The following KHDRBS3 variants were observed in gnomAD, a reference collection of about 807,000 sequenced individuals.
KHDRBS3 encodes the protein KH domain-containing, RNA-binding, signal transduction-associated protein 3.
KHDRBS3 carries 23 observed loss-of-function variants against 45.6 expected under a neutral mutation model. The ratio of observed to expected loss-of-function variants is 0.50; its 90% CI spans 0.36 to 0.72. The LOEUF (loss-of-function observed/expected upper bound fraction) is 0.72. Ranked by LOEUF, KHDRBS3 falls within the 30% of genes least tolerant of loss-of-function variation. KHDRBS3 has a pLI of 0.00. For synonymous variants in KHDRBS3, 162 were observed against 156.5 expected (o/e 1.04, Z -0.26); for missense variants, 352 against 424.8 (o/e 0.83, Z 1.51).
intron 7 of KHDRBS3, among the ~76,000 whole-genome samples, chr8:135,630,453 A>G (rs986615764): frequency 1.4e-5 from 2 of 146,286 alleles, no homozygotes; most frequent in African/African-American, 4.9e-5. Context: ...AAATGGGGTA[A>G]TATCTACCCA....
chr8:135,587,132 A>G (rs1828514566), intron 6 of KHDRBS3, among the ~76,000 whole-genome samples: 1 of 152,202 alleles, frequency 6.6e-6, no homozygotes, highest in African/African-American at 2.4e-5. Flanking sequence ...ATTTCCTTGT[A>G]AAATGTGCCT....
At chr8:135,629,693 C>T (rs1450372527) in intron 7 of KHDRBS3, among the ~76,000 whole-genome samples, 1 of 152,168 alleles carries the variant, frequency 6.6e-6, no homozygotes, top group African/African-American at 2.4e-5. Flanking sequence ...AGTGAAATAC[C>T]TAGAATGTGA....
intron 2 of KHDRBS3, among the ~76,000 whole-genome samples, chr8:135,530,772 A>AT (rs1309736187): frequency 1.3e-5 from 2 of 152,098 alleles, no homozygotes; most frequent in Non-Finnish European, 2.9e-5. Flanking sequence ...CCAGGACATA[A>AT]TTTTTGTCTA....
intron 1 of KHDRBS3, among the ~76,000 whole-genome samples, chr8:135,469,522 GGTTTT>G (rs1563699666): frequency 1.4e-4 from 3 of 20,784 alleles, no homozygotes; most frequent in Non-Finnish European, 1.9e-4. Flanking sequence ...TTTTTGTTTT[GGTTTT>G]TTTTTTTTTT....
At chr8:135,631,099 A>G (rs899626690) in intron 7 of KHDRBS3, among the ~76,000 whole-genome samples, 2 of 152,060 alleles carry the variant, frequency 1.3e-5, no homozygotes, top group African/African-American at 2.4e-5. Flanking sequence ...AAATACAAAA[A>G]AATTAGCCAG....
At chr8:135,469,353 C>A (rs1363120791) in intron 1 of KHDRBS3, among the ~76,000 whole-genome samples, 2 of 151,190 alleles carry the variant, frequency 1.3e-5, no homozygotes, top group African/African-American at 4.9e-5. Context: ...GGCGCGATCT[C>A]GGCTCACTGC....
intron 2 of KHDRBS3, among the ~76,000 whole-genome samples, chr8:135,523,004 T>G (rs1824995069): frequency 6.6e-6 from 1 of 152,174 alleles, no homozygotes. Flanking sequence ...TTAGTTCACT[T>G]CTTTTAATCT....
chr8:135,541,905 CTTG>C (rs1364357093), intron 2 of KHDRBS3: 2 of 152,000 alleles, frequency 1.3e-5, no homozygotes, highest in Non-Finnish European at 2.9e-5. Context: ...GAAGGTAGGT[CTTG>C]TTGTCATTCC....
intron 5 of KHDRBS3, among the ~76,000 whole-genome samples, chr8:135,571,547 A>G (rs1827703034): frequency 6.6e-6 from 1 of 152,206 alleles, no homozygotes; most frequent in Non-Finnish European, 1.5e-5. Context: ...GTGGTTATAA[A>G]TAAAGGAGAA....
chr8:135,636,751 C>T (rs150528441), intron 7 of KHDRBS3, among the ~76,000 whole-genome samples: 1 of 152,312 alleles, frequency 6.6e-6, no homozygotes, highest in East Asian at 1.9e-4. Context: ...TGCCTGCGGT[C>T]ACATGGACAG....
rs372160702 is a variant in KHDRBS3 at position 135,588,726 on chromosome 8, G to T, written c.807+6653G>T. Among the ~76,000 whole-genome samples the T allele has an allele frequency of 2.4e-4, 37 of 152,270 alleles. No individual in the cohort carries two copies. The East Asian group carries it at 3.5e-3, about 14-fold the overall frequency. On this transcript the variant is annotated intron_variant, in intron 6 of 8. Coordinates refer to ENST00000355849, the MANE Select transcript of KHDRBS3 (RefSeq NM_006558.3). ...ACTTAGAGAATTCCAGGGGTTTTAG[G>T]AGCTGTGAGCCAGGAGCTGTGGAAG...
At chr8:135,496,189 C>CA (rs71578127) in intron 1 of KHDRBS3, among the ~76,000 whole-genome samples, 25,244 of 140,418 alleles carry the variant, frequency 0.18, 2,314 homozygotes, top group East Asian at 0.39. Flanking sequence ...AAAGGTCATG[C>CA]AAAAAAAAAA....
intron 5 of KHDRBS3, among the ~76,000 whole-genome samples, chr8:135,566,423 A>G (rs1827418143): frequency 6.6e-6 from 1 of 152,232 alleles, no homozygotes; most frequent in African/African-American, 2.4e-5. Flanking sequence ...TTATAATAAT[A>G]TCTTCATAAT....
chr8:135,623,339 A>C (rs1332683094), intron 7 of KHDRBS3, among the ~76,000 whole-genome samples: 2 of 152,220 alleles, frequency 1.3e-5, no homozygotes, highest in Non-Finnish European at 2.9e-5. Flanking sequence ...GAGTCAAAAG[A>C]CATGTCTGAA....
chr8:135,611,620 T>G lies in KHDRBS3; in HGVS notation c.890+4583T>G, dbSNP rs1168899241. On this transcript the variant is annotated intron_variant, in intron 7 of 8. Transcript: ENST00000355849. Reference sequence around the variant, plus strand: ...GCTCTTTTATCTGTGCACTAACATTTCTGGTGTCTCTTTTTGTATCCAAAT... The same window carrying G: ...GCTCTTTTATCTGTGCACTAACATTGCTGGTGTCTCTTTTTGTATCCAAAT... Among the ~76,000 whole-genome samples, 3 of 151,918 alleles carry G rather than the reference T, an allele frequency of 2.0e-5. No individual in the cohort carries two copies. The East Asian group carries it at 5.8e-4, about 29-fold the overall frequency.
intron 5 of KHDRBS3, among the ~76,000 whole-genome samples, chr8:135,558,460 T>A (rs1311059939): frequency 6.6e-6 from 1 of 152,248 alleles, no homozygotes; most frequent in Non-Finnish European, 1.5e-5. Flanking sequence ...AATAGCATTC[T>A]TGTATATCTC....
At chr8:135,610,259 T>C (rs1017299256) in intron 7 of KHDRBS3, among the ~76,000 whole-genome samples, 19 of 152,024 alleles carry the variant, frequency 1.2e-4, no homozygotes, top group Admixed American at 1.0e-3. Context: ...ATTTAATCTG[T>C]TACTTATGTG....
chr8:135,539,498 G>A (rs1275213096), intron 2 of KHDRBS3: 1 of 152,264 alleles, frequency 6.6e-6, no homozygotes, highest in African/African-American at 2.4e-5. Flanking sequence ...TTCCACAGTA[G>A]GTGGGTCTTG....
chr8:135,597,510 C>G (rs926807373), intron 6 of KHDRBS3, among the ~76,000 whole-genome samples: 13 of 152,056 alleles, frequency 8.5e-5, no homozygotes, highest in Middle Eastern at 3.2e-3. Flanking sequence ...TATTCAAAGT[C>G]TTGTCTGTAA....
Sources: gnomAD v4.1 joint callset for allele counts (sites outside exome capture counted in the v4.1 genomes callset) on GRCh38, gnomAD v4.1.1 for gene constraint, MANE v1.5 for transcripts, NCBI Gene and HGNC (gene_info 2026-07-23, HGNC 2026-07-21) for gene names.